Variants in NPNT observed in about 807,000 individuals in gnomAD.
NPNT encodes preosteoblast EGF-like repeat protein with MAM domain.
A neutral mutation model predicts 68.6 loss-of-function variants in NPNT; 45 were observed. The ratio of observed to expected loss-of-function variants is 0.66; its 90% CI spans 0.52 to 0.84. NPNT has a LOEUF of 0.84. Among genes scored for constraint, NPNT ranks in the 40% least tolerant of loss-of-function variants. The pLI is 0.00. For missense variants in NPNT, 672 were observed against 714.8 expected, an observed-to-expected ratio of 0.94 and a Z score of 0.68; for synonymous variants, 233 against 253.3, an observed-to-expected ratio of 0.92 and a Z score of 0.76.
At chr4:105,922,724 A>G (rs778740548) in intron 2 of NPNT, among the ~76,000 whole-genome samples, 2 of 152,160 alleles carry the variant, frequency 1.3e-5, no homozygotes, top group Non-Finnish European at 2.9e-5. Context: ...TTCTAGTTAA[A>G]ACAATGATTT....
intron 2 of NPNT, among the ~76,000 whole-genome samples, chr4:105,903,342 T>G (rs1726579094): frequency 6.6e-6 from 1 of 152,188 alleles, no homozygotes; most frequent in Non-Finnish European, 1.5e-5. Flanking sequence ...TTCTATGCAG[T>G]GTCTTTCAGT....
At chr4:105,922,888 T>G (rs1728363295) in intron 2 of NPNT, among the ~76,000 whole-genome samples, 1 of 152,162 alleles carries the variant, frequency 6.6e-6, no homozygotes, top group Non-Finnish European at 1.5e-5. Flanking sequence ...TACCTGGACT[T>G]TACTTAAGCT....
rs141772686 is a variant in NPNT at position 105,967,203 on chromosome 4, C to G, written c.1361C>G (p.Thr454Arg). Residue 454 changes from threonine to arginine, a missense_variant, in exon 11 of 12, where the codon ACA (threonine) becomes AGA (arginine). By Grantham distance (71) the Thr-to-Arg change is moderately conservative. Coordinates refer to ENST00000379987, the MANE Select transcript of NPNT (RefSeq NM_001033047.3). ...CCCATTCCAGGTGGACAATATCTGA[C>G]AGTGTCGGCAGCCAAAGCCCCAGGG... is the stretch of plus-strand genomic sequence containing the variant. ...IRDPAGGQYL[T>R]VSAAKAPGGK... 1 of 1,613,580 alleles carries G rather than the reference C, an allele frequency of 6.2e-7. No individual in the cohort carries two copies. The highest frequency in any genetic ancestry group is 1.3e-5 in the African/African-American group (1 of 74,900).
In NPNT at chr4:105,940,303, G is replaced by A. The variant is rs1355162182; in HGVS notation, c.640+94G>A. 3.8e-6 allele frequency: 5 copies of A among 1,310,276 alleles called. No homozygotes were observed. The Admixed American group carries it at 8.5e-5, about 22-fold the overall frequency. The allele number at this position is 1,310,276 out of a possible 1,614,324, so 81.2% of individuals were successfully genotyped here. A position where few individuals can be genotyped will look rare whatever the true frequency, so the allele number is the denominator to read the frequency against. On this transcript the variant is annotated intron_variant, in intron 6 of 11. Coordinates refer to ENST00000379987, the MANE Select transcript of NPNT (RefSeq NM_001033047.3). ...GATGGCTGGAATGTCAGGGGCAGGGGAGAGTACTGGCGTTAAGTTAAACCA... is the reference window on the plus strand; with the variant it reads ...GATGGCTGGAATGTCAGGGGCAGGGAAGAGTACTGGCGTTAAGTTAAACCA...
In NPNT at chr4:105,958,538, T is replaced by C; in HGVS notation, c.1227T>C (p.Asp409=). Residue 409 remains aspartate, a synonymous_variant, in exon 9 of 12, where the codon GAT becomes GAC. Coordinates refer to ENST00000379987, the MANE Select transcript of NPNT (RefSeq NM_001033047.3). The part of the protein sequence containing the change: ...FEIERGVSAD[D]EAKDDPGVLV... ...TAGAAAGAGGAGTCAGTGCAGACGATGAAGCAAAGGATGATCCAGGTGACA... is the reference window on the plus strand; with the variant it reads ...TAGAAAGAGGAGTCAGTGCAGACGACGAAGCAAAGGATGATCCAGGTGACA... 2.5e-6 allele frequency: 4 copies of C among 1,603,752 alleles called. No homozygotes were observed. The highest frequency in any genetic ancestry group is 3.4e-6 in the Non-Finnish European group (4 of 1,171,724).
At position 105,920,093 on chromosome 4, in the gene NPNT, C is replaced by T. The variant is rs115109674; in HGVS notation, c.173-7243C>T. ...GTCTTCTTCCTATTTAGAATCACTTCGTAACCATAGATTCTTTTTTTATTC... is the reference window on the plus strand; with the variant it reads ...GTCTTCTTCCTATTTAGAATCACTTTGTAACCATAGATTCTTTTTTTATTC... On this transcript the variant is annotated intron_variant, in intron 2 of 11. Coordinates refer to ENST00000379987, the MANE Select transcript of NPNT (RefSeq NM_001033047.3). Among the ~76,000 whole-genome samples, 551 of 152,118 alleles carry T rather than the reference C, an allele frequency of 3.6e-3. 2 individuals are homozygous for T. The highest frequency in any genetic ancestry group is 0.012 in the African/African-American group (499 of 41,556).
chr4:105,930,167 G>A (rs1010384884), intron 3 of NPNT, among the ~76,000 whole-genome samples: 3 of 152,176 alleles, frequency 2.0e-5, no homozygotes, highest in Admixed American at 6.5e-5. Context: ...GTTCCTGATG[G>A]CAAGGTTTAT....
intron 2 of NPNT, among the ~76,000 whole-genome samples, chr4:105,910,510 A>T (rs1314144005): frequency 1.3e-5 from 2 of 151,816 alleles, no homozygotes; most frequent in Non-Finnish European, 2.9e-5. Context: ...CGCAAAAAAA[A>T]AAAATTGTAT....
intron 2 of NPNT, among the ~76,000 whole-genome samples, chr4:105,909,539 T>A (rs1441850293): frequency 6.6e-6 from 1 of 152,228 alleles, no homozygotes; most frequent in African/African-American, 2.4e-5. Context: ...TGAATTTTTT[T>A]ATATCTTTAA....
At chr4:105,898,331 T>TCC (rs1726090180) in intron 2 of NPNT, among the ~76,000 whole-genome samples, 1 of 61,382 alleles carries the variant, frequency 1.6e-5, no homozygotes, top group East Asian at 4.7e-4. Flanking sequence ...TCTCTCTGTC[T>TCC]CTCTCTCTCT....
At chr4:105,933,019 A>G (rs1205924755) in intron 3 of NPNT, among the ~76,000 whole-genome samples, 1 of 152,190 alleles carries the variant, frequency 6.6e-6, no homozygotes, top group African/African-American at 2.4e-5. Context: ...AAAGCAACTG[A>G]AATTGGGGGT....
intron 2 of NPNT, among the ~76,000 whole-genome samples, chr4:105,916,135 G>T (rs1727799569): frequency 6.6e-6 from 1 of 151,760 alleles, no homozygotes; most frequent in South Asian, 2.1e-4. Flanking sequence ...TCTTTTGGTT[G>T]CCTTTTTTTG....
chr4:105,937,879 A>G (rs1359107464), intron 4 of NPNT, among the ~76,000 whole-genome samples: 3 of 152,236 alleles, frequency 2.0e-5, no homozygotes, highest in Non-Finnish European at 4.4e-5. Flanking sequence ...ATTTTATTTA[A>G]CATTGCATAA....
At chr4:105,928,374 G>A (rs1266826979) in intron 3 of NPNT, among the ~76,000 whole-genome samples, 1 of 152,184 alleles carries the variant, frequency 6.6e-6, no homozygotes, top group Non-Finnish European at 1.5e-5. Flanking sequence ...AGCACTTTGG[G>A]AAGCTGAGGC....
chr4:105,941,880 C>G (rs1172681274), intron 7 of NPNT, among the ~76,000 whole-genome samples: 1 of 152,040 alleles, frequency 6.6e-6, no homozygotes, highest in Non-Finnish European at 1.5e-5. Flanking sequence ...ATAATATACA[C>G]GTAGCATAGG....
chr4:105,939,850 G>A (rs371757247), intron 5 of NPNT, among the ~76,000 whole-genome samples: 14 of 152,290 alleles, frequency 9.2e-5, no homozygotes, highest in African/African-American at 3.4e-4. Context: ...GGTGCAGTAT[G>A]TGCTAATATA....
At chr4:105,917,835 G>C (rs189641360) in intron 2 of NPNT, among the ~76,000 whole-genome samples, 35 of 152,316 alleles carry the variant, frequency 2.3e-4, no homozygotes, top group Admixed American at 1.8e-3. Context: ...GATTGGAAAT[G>C]AGGCCAATGG....
intron 8 of NPNT, among the ~76,000 whole-genome samples, chr4:105,944,893 A>G (rs997051253): frequency 6.6e-6 from 1 of 152,232 alleles, no homozygotes; most frequent in Non-Finnish European, 1.5e-5. Context: ...CAGGACAAAT[A>G]ACCAGTGTCT....
chr4:105,938,571 A>T, intron 5 of NPNT, 151 bp downstream of exon 5: 3 of 791,738 alleles, frequency 3.8e-6, no homozygotes, highest in East Asian at 5.6e-5. Context: ...AGAAGAGGAC[A>T]TCTCTGTGAA....
Sources: allele counts gnomAD v4.1 joint callset (sites outside exome capture counted in the v4.1 genomes callset), GRCh38; gene constraint gnomAD v4.1.1; transcripts MANE v1.5; gene names NCBI Gene and HGNC (gene_info 2026-07-23, HGNC 2026-07-21).